The following FGD5 variants were observed in gnomAD, a reference collection of about 807,000 sequenced individuals.
FGD5 encodes the protein FYVE, RhoGEF and PH domain-containing protein 5.
In FGD5, 28 loss-of-function variants were observed where a neutral mutation model predicts 133.4. The ratio of observed to expected loss-of-function variants is 0.21; its 90% confidence interval spans 0.16 to 0.29. The LOEUF (loss-of-function observed/expected upper bound fraction) is 0.29. Among genes scored for constraint, FGD5 ranks in the 10% least tolerant of loss-of-function variants. The probability of loss-of-function intolerance (pLI) is 1.00; values close to 1 mark genes in which losing one functional copy is unlikely to be tolerated. For missense variants in FGD5, 1,858 were observed against 1,895.2 expected (o/e 0.98, Z 0.36); for synonymous variants, 810 against 776.5 (o/e 1.04, Z -0.72).
At chr3:14,852,354 T>C (rs1448204939) in intron 1 of FGD5, among the ~76,000 whole-genome samples, 2 of 152,228 alleles carry the variant, frequency 1.3e-5, no homozygotes, top group Non-Finnish European at 2.9e-5. Flanking sequence ...TCATACTGTA[T>C]GATTTCATGT....
chr3:14,932,541 G>A (rs2038916135), intron 18 of FGD5, 36 bp from the exon 19 acceptor site: 1 of 1,599,800 alleles, frequency 6.3e-7, no homozygotes. Flanking sequence ...GCAGAGTGTG[G>A]TGTTTAATGT....
rs1201871434 is a variant in FGD5 at position 14,922,072 on chromosome 3, T to C, written c.3669+55T>C. The C allele has an allele frequency of 6.6e-7, 1 of 1,524,096 alleles. No homozygotes were observed. The allele number at this position is 1,524,096 out of a possible 1,614,324, so 94.4% of individuals were successfully genotyped here. ...CCAGCTTCAGAGACCTGGGGTTCCC[T>C]GGGCGGGCATTGCTGTTGCCACTCA... On this transcript the variant is annotated intron_variant, in intron 14 of 19. Transcript: ENST00000285046. The surrounding 1 kb of genome is among the most constrained non-coding windows in gnomAD (Gnocchi z 4.1).
chr3:14,894,043 C>T (rs2038086276), intron 4 of FGD5, among the ~76,000 whole-genome samples: 1 of 152,146 alleles, frequency 6.6e-6, no homozygotes, highest in South Asian at 2.1e-4. Context: ...CAGGTGTGAA[C>T]CACTGTGGCC....
At position 14,860,387 on chromosome 3, in the gene FGD5, T is replaced by A. The variant is rs182133583; in HGVS notation, c.2526-3741T>A. Among the ~76,000 whole-genome samples the A allele has an allele frequency of 5.3e-5, 8 of 152,374 alleles. No individual in the cohort carries two copies. The East Asian group carries it at 1.5e-3, about 29-fold the overall frequency. On this transcript the variant is annotated intron_variant, in intron 1 of 19. Coordinates refer to ENST00000285046, the MANE Select transcript of FGD5 (RefSeq NM_152536.4). The stretch of plus-strand genomic sequence containing the variant: ...CTAATGGTGACTTATCCCCATTTGT[T>A]GTACTCATAATTCCTATATAGGACA...
intron 1 of FGD5, among the ~76,000 whole-genome samples, chr3:14,831,359 C>T (rs935804318): frequency 1.3e-5 from 2 of 152,204 alleles, no homozygotes; most frequent in African/African-American, 4.8e-5. Flanking sequence ...GTAGGATCAG[C>T]AAGTAGTTCA....
At chr3:14,854,142 G>A (rs778617939) in intron 1 of FGD5, among the ~76,000 whole-genome samples, 5 of 151,844 alleles carry the variant, frequency 3.3e-5, no homozygotes, top group Non-Finnish European at 7.4e-5. Flanking sequence ...GAGGTTGAGT[G>A]GCTTGCCTGA....
At chr3:14,910,191 G>A (rs989501803) in intron 10 of FGD5, among the ~76,000 whole-genome samples, 7 of 152,202 alleles carry the variant, frequency 4.6e-5, no homozygotes, top group African/African-American at 1.7e-4. Context: ...GATGCAGAAT[G>A]TAATACAGAG....
intron 1 of FGD5, among the ~76,000 whole-genome samples, chr3:14,859,355 G>A (rs1294788223): frequency 6.6e-6 from 1 of 152,022 alleles, no homozygotes; most frequent in Non-Finnish European, 1.5e-5. Context: ...TGAGGAGTTC[G>A]AGACCAGCCT....
intron 1 of FGD5, among the ~76,000 whole-genome samples, chr3:14,832,583 A>AT (rs1017065927): frequency 6.6e-6 from 1 of 151,994 alleles, no homozygotes; most frequent in Admixed American, 6.6e-5. Context: ...ATCCAGTTTT[A>AT]TTTTTTTAAT....
chr3:14,840,249 A>G (rs1319775782), intron 1 of FGD5, among the ~76,000 whole-genome samples: 2 of 151,628 alleles, frequency 1.3e-5, no homozygotes, highest in African/African-American at 4.9e-5. Flanking sequence ...GGTTCAAGCG[A>G]GTCTGCTGCC....
At chr3:14,889,707 G>A (rs2037989343) in intron 4 of FGD5, among the ~76,000 whole-genome samples, 1 of 152,100 alleles carries the variant, frequency 6.6e-6, no homozygotes, top group Non-Finnish European at 1.5e-5. Context: ...CAACATGTTG[G>A]TATTGTCGGC....
intron 12 of FGD5, among the ~76,000 whole-genome samples, chr3:14,918,155 CTT>C (rs1166463530): frequency 6.6e-6 from 1 of 152,202 alleles, no homozygotes; most frequent in Non-Finnish European, 1.5e-5. Context: ...GATGGGAACA[CTT>C]GGGAGCTGTT....
At chr3:14,840,923 A>G (rs891894399) in intron 1 of FGD5, among the ~76,000 whole-genome samples, 5 of 152,204 alleles carry the variant, frequency 3.3e-5, no homozygotes, top group African/African-American at 4.8e-5. Flanking sequence ...ATAACTTACT[A>G]AATTAATAAA....
In FGD5 at chr3:14,897,976, C is replaced by G. The variant is rs371999562; in HGVS notation, c.2947C>G (p.Arg983Gly). The change falls in exon 6 of 20, where the codon CGG becomes GGG. Residue 983 changes from arginine (R) to glycine (G), a missense_variant. Arg to Gly is a moderately radical substitution (Grantham distance 125, BLOSUM62 -2). This residue lies in a region of FGD5 where 1,824 missense variants were observed against 1,848.9 expected (regional missense o/e 0.99). Transcript: ENST00000285046. ...QQKVADVFLAREQGFDHHATH... is the reference protein window; with the variant it reads ...QQKVADVFLAGEQGFDHHATH... ...GAAGGTAGCTGACGTCTTCCTGGCC[C>G]GGGAGCAGGGGTTTGATCACCACGC... 2.1e-5 allele frequency: 34 copies of G among 1,613,804 alleles called. No homozygotes were observed. The highest frequency in any genetic ancestry group is 2.5e-5 in the Non-Finnish European group (30 of 1,179,890).
intron 13 of FGD5, among the ~76,000 whole-genome samples, 162 bp from the exon 14 acceptor site, chr3:14,921,756 G>A (rs1045248367): frequency 1.2e-4 from 18 of 152,340 alleles, no homozygotes; most frequent in Admixed American, 5.2e-4. Context: ...TGGTCTGCTC[G>A]TAAACCTAGT....
chr3:14,829,328 A>T (rs1206696768), intron 1 of FGD5, among the ~76,000 whole-genome samples: 1 of 152,024 alleles, frequency 6.6e-6, no homozygotes, highest in East Asian at 1.9e-4. Flanking sequence ...CAGCAGGGGA[A>T]CGCCGTCGTG....
chr3:14,864,694 T>C (rs1273831952), intron 2 of FGD5, among the ~76,000 whole-genome samples: 2 of 152,184 alleles, frequency 1.3e-5, no homozygotes, highest in Non-Finnish European at 2.9e-5. Flanking sequence ...TGAAAGCTGG[T>C]TTCCCTGGCC....
At chr3:14,882,145 C>A in intron 4 of FGD5, 1 of 252,368 alleles carries the variant, frequency 4.0e-6, no homozygotes, top group Non-Finnish European at 6.3e-6. Flanking sequence ...CCCCATTCAG[C>A]TTTTATACCT....
intron 1 of FGD5, among the ~76,000 whole-genome samples, chr3:14,851,520 C>T (rs1357115034): frequency 2.0e-5 from 3 of 152,216 alleles, no homozygotes; most frequent in South Asian, 4.1e-4. Context: ...AACAGTGTGG[C>T]AGAAATGCTG....
Sources: gnomAD v4.1 joint callset for allele counts (sites outside exome capture counted in the v4.1 genomes callset) on GRCh38, gnomAD v4.1.1 for gene constraint, gnomAD v4.1.1 regional missense constraint, Gnocchi (gnomAD v3.1) non-coding constraint, MANE v1.5 for transcripts, NCBI Gene and HGNC (gene_info 2026-07-23, HGNC 2026-07-21) for gene names.